The following DYNLRB2 variants were observed in gnomAD, a reference collection of about 807,000 sequenced individuals.
The protein encoded by DYNLRB2 is bithoraxoid-like protein.
DYNLRB2 carries 14 observed loss-of-function variants against 12.6 expected under a neutral mutation model. The ratio of observed to expected loss-of-function variants is 1.11; its 90% confidence interval spans 0.73 to 1.73. DYNLRB2 has a LOEUF of 1.73. Ranked by LOEUF, DYNLRB2 falls within the 40% of genes most tolerant of loss-of-function variation. DYNLRB2 has a pLI of 0.00. For missense variants in DYNLRB2, 142 were observed against 117.7 expected (o/e 1.21, Z -0.95); for synonymous variants, 53 against 37.0 (o/e 1.43, Z -1.57).
chr16:80,541,334 G>C (rs1011631560), intron 1 of DYNLRB2: 8 of 984,210 alleles, frequency 8.1e-6, no homozygotes, highest in Non-Finnish European at 9.7e-6. Context: ...TGTTGAGAAA[G>C]GGAAGAGAGA....
At chr16:80,549,045 A>C (rs1039041416) in intron 2 of DYNLRB2, 2 of 455,770 alleles carry the variant, frequency 4.4e-6, no homozygotes, top group African/African-American at 4.0e-5. Flanking sequence ...ATGTTAACTT[A>C]GTACTCAAGT....
intron 1 of DYNLRB2, among the ~76,000 whole-genome samples, chr16:80,542,559 G>C (rs998016147): frequency 6.6e-6 from 1 of 152,180 alleles, no homozygotes; most frequent in African/African-American, 2.4e-5. Context: ...AAATTTGCAG[G>C]TTTGGAAAAG....
intron 2 of DYNLRB2, chr16:80,548,014 T>C: frequency 2.9e-6 from 1 of 342,534 alleles, no homozygotes; most frequent in Non-Finnish European, 5.7e-6. Flanking sequence ...GGTAAAATCC[T>C]AAGTTTGTAA....
intron 2 of DYNLRB2, chr16:80,547,830 C>T: frequency 2.2e-6 from 1 of 456,528 alleles, no homozygotes; most frequent in Non-Finnish European, 4.4e-6. Context: ...CAACAAATCA[C>T]AATAAAAGAT....
Position 80,541,081 on chromosome 16 carries a change from T to C in DYNLRB2, c.3+2T>C. 6.2e-7 allele frequency: 1 copy of C among 1,607,624 alleles called. No homozygotes were observed. Among genetic ancestry groups the C allele is most frequent in the Middle Eastern group, 1.7e-4 (1 of 6,038 alleles). On this transcript the variant is annotated splice_donor_variant, in intron 1 of 3. Transcript: ENST00000305904. LOFTEE classifies it high-confidence loss of function. ...CAGAGTTTCGCGGCCTCCGCGATGGTAAATCTGGGGTCTCCGTCCACGCCC... is the reference window on the plus strand; with the variant it reads ...CAGAGTTTCGCGGCCTCCGCGATGGCAAATCTGGGGTCTCCGTCCACGCCC...
rs1024436324 is a variant in DYNLRB2 at position 80,550,706 on chromosome 16, T to G, written c.*148T>G. 1 of 832,052 alleles carries G rather than the reference T, an allele frequency of 1.2e-6. No individual in the cohort carries two copies. The highest frequency in any genetic ancestry group is 1.9e-6 in the Non-Finnish European group (1 of 518,088). 51.5% of individuals were successfully genotyped at this position (832,052 alleles called of 1,614,324 possible). A position where few individuals can be genotyped will look rare whatever the true frequency, so the allele number is the denominator to read the frequency against. On this transcript the variant is annotated 3_prime_UTR_variant, in exon 4 of 4. Transcript: ENST00000305904. ...AAACTGTTCTGCATGTCTCATTTAG[T>G]CCCTTTTGATTATATTGTGAAGTTG...
At chr16:80,548,119 G>C (rs28531767) in intron 2 of DYNLRB2, 42,765 of 217,516 alleles carry the variant, frequency 0.2, 4,693 homozygotes, top group Middle Eastern at 0.26. Context: ...CTCATTTCTT[G>C]AGTGCCCTTA....
chr16:80,543,081 A>G (rs577519517), intron 1 of DYNLRB2, among the ~76,000 whole-genome samples, 195 bp from the exon 2 acceptor site: 111 of 152,360 alleles, frequency 7.3e-4, no homozygotes, highest in African/African-American at 2.6e-3. Context: ...TCAGGATTGT[A>G]TCCAGGAGGT....
In DYNLRB2 at chr16:80,550,509, C is replaced by T; in HGVS notation, c.248-6C>T. On this transcript the variant is annotated splice_region_variant and splice_polypyrimidine_tract_variant and intron_variant, in intron 3 of 3. Coordinates refer to ENST00000305904, the MANE Select transcript of DYNLRB2 (RefSeq NM_130897.3). ...GGGTGAATTGATTTTATCCATCTCT[C>T]CATAGATAAGGAATATCTTCTGATC... 3 of 1,614,050 alleles carry T rather than the reference C, an allele frequency of 1.9e-6. No individual in the cohort carries two copies. Among genetic ancestry groups the T allele is most frequent in the Non-Finnish European group, 2.5e-6 (3 of 1,179,918 alleles).
At chr16:80,546,175 A>G (rs1045796791) in intron 2 of DYNLRB2, among the ~76,000 whole-genome samples, 5 of 152,184 alleles carry the variant, frequency 3.3e-5, no homozygotes, top group Non-Finnish European at 5.9e-5. Flanking sequence ...TTAATGGCAT[A>G]TGGTGTAAGC....
intron 2 of DYNLRB2, among the ~76,000 whole-genome samples, chr16:80,547,390 A>G (rs912527326): frequency 3.9e-5 from 6 of 152,116 alleles, no homozygotes; most frequent in Admixed American, 3.9e-4. Context: ...CTTCTCAATA[A>G]TTTTTTTAAT....
At chr16:80,542,799 G>A (rs1448830198) in intron 1 of DYNLRB2, among the ~76,000 whole-genome samples, 3 of 152,112 alleles carry the variant, frequency 2.0e-5, no homozygotes, top group Non-Finnish European at 2.9e-5. Context: ...AACTGATTAG[G>A]TCACATTAAT....
Position 80,546,631 on chromosome 16 carries a change from A to T in DYNLRB2, c.80-2853A>T, listed in dbSNP as rs374760998. 3.0e-4 allele frequency among the ~76,000 whole-genome samples: 46 copies of T among 152,356 alleles called. No homozygotes were observed. In the South Asian group the frequency reaches 8.5e-3, roughly 28 times the overall value. On this transcript the variant is annotated intron_variant, in intron 2 of 3. Transcript: ENST00000305904. ...TATAAAACCATTCATTGTTTACAAT[A>T]TTGCAACACTGATCATTGAATTAGA...
intron 1 of DYNLRB2, chr16:80,541,391 C>T (rs1904286897): frequency 1.0e-6 from 1 of 983,934 alleles, no homozygotes; most frequent in Non-Finnish European, 1.2e-6. Flanking sequence ...ATCCGGGGAG[C>T]CAGGAAAGTT....
At chr16:80,544,956 A>T (rs1185002979) in intron 2 of DYNLRB2, among the ~76,000 whole-genome samples, 1 of 152,150 alleles carries the variant, frequency 6.6e-6, no homozygotes, top group African/African-American at 2.4e-5. Context: ...ATGTGACCTC[A>T]TCTTAACTAA....
At chr16:80,549,388 T>C in intron 2 of DYNLRB2, 96 bp from the exon 3 acceptor site, 3 of 1,268,322 alleles carry the variant, frequency 2.4e-6, no homozygotes, top group East Asian at 2.6e-5. Context: ...CTTTTTTCTC[T>C]TCTTTACAAC....
intron 2 of DYNLRB2, 111 bp downstream of exon 2, chr16:80,543,462 A>G (rs1169081836): frequency 9.7e-7 from 1 of 1,029,522 alleles, no homozygotes. Flanking sequence ...AAATATATTT[A>G]TATATTTTAG....
intron 2 of DYNLRB2, among the ~76,000 whole-genome samples, chr16:80,546,248 A>T (rs1361340143): frequency 6.6e-6 from 1 of 152,252 alleles, no homozygotes; most frequent in Non-Finnish European, 1.5e-5. Context: ...AGATGAAAGC[A>T]TCATTTATTT....
rs1471949168 is a variant in DYNLRB2 at position 80,541,017 on chromosome 16, T to C, written c.-60T>C. 3.1e-6 allele frequency: 5 copies of C among 1,587,744 alleles called. No homozygotes were observed. In the East Asian group the frequency reaches 1.1e-4, roughly 36 times the overall value. On this transcript the variant is annotated 5_prime_UTR_variant, in exon 1 of 4. Transcript: ENST00000305904. The stretch of plus-strand genomic sequence containing the variant: ...TGTCTCCTAGCAACGGCGGGTAGCG[T>C]TGTTGACATCCCGGGAGGCTGTGCC...
Sources: gnomAD v4.1 joint callset for allele counts (sites outside exome capture counted in the v4.1 genomes callset) on GRCh38, gnomAD v4.1.1 for gene constraint, MANE v1.5 for transcripts, NCBI Gene and HGNC (gene_info 2026-07-23, HGNC 2026-07-21) for gene names.